Variants in TTBK2 observed in about 807,000 individuals in gnomAD.
TTBK2 encodes tau-tubulin kinase 2.
Under a neutral mutation model 110.8 loss-of-function variants are expected in TTBK2, and 28 were observed. That is an observed-to-expected ratio of 0.25 (90% CI 0.19 to 0.35). The LOEUF is 0.35. Among genes scored for constraint, TTBK2 ranks in the 10% least tolerant of loss-of-function variants. The pLI is 1.00. For missense variants in TTBK2, 1,369 were observed against 1,500.3 expected, an observed-to-expected ratio of 0.91 and a Z score of 1.45; for synonymous variants, 532 against 527.3, an observed-to-expected ratio of 1.01 and a Z score of -0.12.
At chr15:42,891,169 C>T (rs575059967) in intron 1 of TTBK2, among the ~76,000 whole-genome samples, 25 of 149,236 alleles carry the variant, frequency 1.7e-4, no homozygotes, top group South Asian at 2.1e-4. Context: ...CCACCATGCC[C>T]GACTTTTTTT....
At chr15:42,862,436 C>CA (rs1894194560) in intron 3 of TTBK2, among the ~76,000 whole-genome samples, 1 of 151,926 alleles carries the variant, frequency 6.6e-6, no homozygotes. Context: ...TCAACACATG[C>CA]AAATAAAAAA....
At chr15:42,844,813 A>C (rs1893380331) in intron 3 of TTBK2, among the ~76,000 whole-genome samples, 1 of 152,206 alleles carries the variant, frequency 6.6e-6, no homozygotes, top group South Asian at 2.1e-4. Context: ...ACAGATTTTA[A>C]AATCATGTAA....
chr15:42,760,382 C>T (rs2062008041), intron 13 of TTBK2, among the ~76,000 whole-genome samples: 2 of 26,966 alleles, frequency 7.4e-5, no homozygotes, highest in African/African-American at 2.1e-4. Context: ...GAGACTCCAT[C>T]TCAAAAAAAA....
At chr15:42,788,017 A>G (rs184634277) in intron 10 of TTBK2, among the ~76,000 whole-genome samples, 1 of 152,300 alleles carries the variant, frequency 6.6e-6, no homozygotes, top group African/African-American at 2.4e-5. Flanking sequence ...ACTGGAGGCA[A>G]GTGTAACACA....
At chr15:42,764,358 G>A (rs1889254155) in intron 13 of TTBK2, among the ~76,000 whole-genome samples, 1 of 152,254 alleles carries the variant, frequency 6.6e-6, no homozygotes, top group Non-Finnish European at 1.5e-5. Context: ...CTAGCCAAGG[G>A]AAGCCGTGAC....
chr15:42,892,208 C>T (rs1388869641), intron 1 of TTBK2, among the ~76,000 whole-genome samples: 1 of 152,034 alleles, frequency 6.6e-6, no homozygotes, highest in Admixed American at 6.6e-5. Context: ...GGCAAGATAA[C>T]AAGAATACAA....
intron 9 of TTBK2, among the ~76,000 whole-genome samples, chr15:42,799,359 G>C (rs1235431976): frequency 6.6e-6 from 1 of 151,970 alleles, no homozygotes. Context: ...GACAGAGTGA[G>C]ACTCCGTCTC....
intron 1 of TTBK2, among the ~76,000 whole-genome samples, chr15:42,883,985 C>A (rs548945659): frequency 2.0e-5 from 3 of 152,188 alleles, no homozygotes; most frequent in African/African-American, 7.2e-5. Context: ...ATTATAATAT[C>A]TGACAGTGTT....
chr15:42,775,254 T>C lies in TTBK2; in HGVS notation c.1879A>G (p.Thr627Ala), dbSNP rs1205125097. The C allele has an allele frequency of 2.5e-6, 4 of 1,614,204 alleles. No individual in the cohort carries two copies. In the South Asian group the frequency reaches 3.3e-5, roughly 13 times the overall value. Residue 627 changes from threonine to alanine, a missense_variant, in exon 13 of 15, where the codon ACT becomes GCT. Physicochemically the swap from Thr to Ala is moderately conservative, Grantham distance 58 (BLOSUM62 0). Coordinates refer to ENST00000267890, the MANE Select transcript of TTBK2 (RefSeq NM_173500.4). ...VLALSAEGPPTAASEQYTDRL... is the reference protein window; with the variant it reads ...VLALSAEGPPAAASEQYTDRL... Reference sequence around the variant, plus strand: ...TCTGTATATTGTTCTGAAGCAGCAGTAGGAGGACCCTCTGCAGAAAGTGCT... The same window carrying C: ...TCTGTATATTGTTCTGAAGCAGCAGCAGGAGGACCCTCTGCAGAAAGTGCT...
At chr15:42,860,265 C>A (rs922678221) in intron 3 of TTBK2, among the ~76,000 whole-genome samples, 9 of 151,740 alleles carry the variant, frequency 5.9e-5, no homozygotes, top group Non-Finnish European at 7.4e-5. Flanking sequence ...GGGATAAATG[C>A]AAAACAAACA....
chr15:42,815,958 A>AAAAAAAAAAAAT (rs71108183), intron 7 of TTBK2, among the ~76,000 whole-genome samples: 1 of 91,716 alleles, frequency 1.1e-5, no homozygotes, highest in African/African-American at 6.2e-5. Context: ...TTAAAAAAAA[A>AAAAAAAAAAAAT]ATATATATAT....
intron 13 of TTBK2, among the ~76,000 whole-genome samples, chr15:42,754,736 C>T (rs1307474891): frequency 3.0e-5 from 4 of 134,494 alleles, no homozygotes; most frequent in African/African-American, 7.9e-5. Flanking sequence ...GGGCTGGGTG[C>T]GGTGGCTCAC....
intron 3 of TTBK2, among the ~76,000 whole-genome samples, 162 bp downstream of exon 3, chr15:42,872,449 C>T (rs1408357496): frequency 6.6e-6 from 1 of 152,176 alleles, no homozygotes; most frequent in Non-Finnish European, 1.5e-5. Context: ...ACTACTAACT[C>T]ATTATAAAAT....
intron 1 of TTBK2, among the ~76,000 whole-genome samples, chr15:42,903,643 C>A (rs1432911489): frequency 6.6e-6 from 1 of 152,078 alleles, no homozygotes; most frequent in Non-Finnish European, 1.5e-5. Flanking sequence ...AGAAGAAAGA[C>A]CAGGAATTCT....
rs56311523 is a variant in TTBK2, at chr15:42,777,122, C to T, written c.1318G>A (p.Val440Met). The T allele has an allele frequency of 1.9e-5, 31 of 1,614,202 alleles. No homozygotes were observed. Among genetic ancestry groups the T allele is most frequent in the Non-Finnish European group, 2.5e-5 (30 of 1,180,046 alleles). Residue 440 changes from valine to methionine, a missense_variant, in exon 12 of 15, where the codon GTG becomes ATG. This residue lies in a region of TTBK2 where 1,097 missense variants were observed against 1,114.7 expected (regional missense o/e 0.98). Transcript: ENST00000267890. ...CTGTGAATGGAACGTAACTTTCGCA[C>T]CAGTGGAATATCTCTGTCTGGCTGA... Reference protein sequence around the residue: ...ITQPDRDIPLVRKLRSIHSFE... With the variant: ...ITQPDRDIPLMRKLRSIHSFE...
intron 1 of TTBK2, among the ~76,000 whole-genome samples, chr15:42,889,886 C>A (rs548782765): frequency 3.3e-5 from 5 of 152,202 alleles, no homozygotes; most frequent in African/African-American, 1.2e-4. Context: ...CTCCATACCA[C>A]CCCCAAAATT....
chr15:42,752,267 G>A lies in TTBK2; in HGVS notation c.2979C>T (p.Gly993=), dbSNP rs370728842. The part of the protein sequence containing the change: ...VEKRQFKSFL[G]DLSSASDKLL... ...ATTTATCAGAGGCACTTGAGAGGTC[G>A]CCAAGGAAGGACTTGAATTGTCTTT... The change falls in exon 14 of 15, where the codon GGC becomes GGT. Residue 993 remains glycine (G), a synonymous_variant. Coordinates refer to ENST00000267890, the MANE Select transcript of TTBK2 (RefSeq NM_173500.4). The A allele has an allele frequency of 3.2e-5, 52 of 1,614,182 alleles. 1 individual carries two copies. The African/African-American group carries it at 4.3e-4, about 13-fold the overall frequency.
chr15:42,887,709 C>G (rs964500689), intron 1 of TTBK2, among the ~76,000 whole-genome samples: 24 of 152,170 alleles, frequency 1.6e-4, no homozygotes, highest in African/African-American at 5.3e-4. Flanking sequence ...ACCCATTATT[C>G]TGTTCTAGAT....
At chr15:42,762,974 G>A (rs1396831963) in intron 13 of TTBK2, among the ~76,000 whole-genome samples, 12 of 149,114 alleles carry the variant, frequency 8.0e-5, no homozygotes, top group South Asian at 2.1e-4. Flanking sequence ...AAAGAGTAGC[G>A]GGAACGGGGA....
Sources: allele counts gnomAD v4.1 joint callset (sites outside exome capture counted in the v4.1 genomes callset), GRCh38; gene constraint gnomAD v4.1.1; regional missense constraint gnomAD v4.1.1; transcripts MANE v1.5; gene names NCBI Gene and HGNC (gene_info 2026-07-23, HGNC 2026-07-21).